The following ZNF83 variants were observed in gnomAD, a reference collection of about 807,000 sequenced individuals.
The protein encoded by ZNF83 is zinc finger protein 83.
For missense variants in ZNF83, 552 were observed against 629.9 expected (o/e 0.88, Z 1.32); for synonymous variants, 209 against 213.0 (o/e 0.98, Z 0.17).
chr19:52,684,753 G>C (rs1210405135), intron 1 of ZNF83, among the ~76,000 whole-genome samples: 1 of 152,106 alleles, frequency 6.6e-6, no homozygotes, highest in East Asian at 1.9e-4. Context: ...TAGGGTAAGA[G>C]CAGGGACAAT....
exon 3 of ZNF83, chr19:52,655,643 C>T (rs1472916866): frequency 4.3e-6 from 6 of 1,399,944 alleles, no homozygotes; most frequent in South Asian, 1.2e-5. Context: ...ATTTCCACTC[C>T]TCCAAAGAGA....
intron 1 of ZNF83, chr19:52,635,852 G>A (rs2061127231): frequency 6.6e-6 from 1 of 151,996 alleles, no homozygotes; most frequent in Admixed American, 6.6e-5. Context: ...AAAAGTAGCT[G>A]GGCTTGGTGG....
chr19:52,661,425 G>A (rs1199934790), intron 1 of ZNF83, among the ~76,000 whole-genome samples: 2 of 152,096 alleles, frequency 1.3e-5, no homozygotes, highest in Non-Finnish European at 2.9e-5. Flanking sequence ...CCCATGCAGA[G>A]CACAGCCCCC....
intron 2 of ZNF83, among the ~76,000 whole-genome samples, chr19:52,625,785 C>T (rs56381705): frequency 0.22 from 34,092 of 152,000 alleles, 4,059 homozygotes; most frequent in African/African-American, 0.29. Context: ...TGCTTGTAGA[C>T]ACTCAATGCT....
chr19:52,630,043 GC>G (rs1252429975), intron 2 of ZNF83, among the ~76,000 whole-genome samples: 2 of 152,194 alleles, frequency 1.3e-5, no homozygotes, highest in African/African-American at 4.8e-5. Flanking sequence ...CCAGGAGCTT[GC>G]TACAAGTGCC....
At chr19:52,649,580 G>A (rs1269702115) in intron 3 of ZNF83, among the ~76,000 whole-genome samples, 1 of 152,098 alleles carries the variant, frequency 6.6e-6, no homozygotes, top group African/African-American at 2.4e-5. Flanking sequence ...AGGAATTCAG[G>A]AGTCAGTGCC....
At chr19:52,640,182 A>C (rs2061281654), upstream of ZNF83, among the ~76,000 whole-genome samples, 1 of 152,188 alleles carries the variant, frequency 6.6e-6, no homozygotes, top group South Asian at 2.1e-4. Context: ...ATCCGACAGA[A>C]ACTGACGTCA....
At chr19:52,651,479 T>C (rs1181939183) in intron 3 of ZNF83, 2 of 152,118 alleles carry the variant, frequency 1.3e-5, no homozygotes, top group Non-Finnish European at 2.9e-5. Context: ...GGGAAAGCTG[T>C]AGAACAAGTA....
At chr19:52,613,990 A>C (rs751509243) in exon 3 of ZNF83, 2 of 1,613,580 alleles carry the variant, frequency 1.2e-6, no homozygotes, top group South Asian at 2.2e-5. Flanking sequence ...ATGTTGTGCA[A>C]GGTGTGAAAT....
intron 1 of ZNF83, among the ~76,000 whole-genome samples, chr19:52,683,858 T>C (rs911507188): frequency 3.0e-4 from 46 of 152,002 alleles, no homozygotes; most frequent in African/African-American, 1.1e-3. Flanking sequence ...CCAGAGTAGG[T>C]GCTGCTGTTG....
intron 2 of ZNF83, among the ~76,000 whole-genome samples, chr19:52,629,166 C>T (rs560941016): frequency 3.1e-4 from 47 of 152,212 alleles, no homozygotes; most frequent in Non-Finnish European, 2.2e-4. Flanking sequence ...AATACAAACT[C>T]GACAGTAGTT....
At chr19:52,624,745 T>G (rs1317290483) in intron 2 of ZNF83, among the ~76,000 whole-genome samples, 2 of 152,214 alleles carry the variant, frequency 1.3e-5, no homozygotes, top group Non-Finnish European at 2.9e-5. Flanking sequence ...CTGGCCATGA[T>G]GTCTCCGTGC....
chr19:52,634,831 G>A (rs2061091457), intron 2 of ZNF83, among the ~76,000 whole-genome samples: 1 of 152,100 alleles, frequency 6.6e-6, no homozygotes, highest in South Asian at 2.1e-4. Flanking sequence ...ATCCATGTCT[G>A]GGTGTGGGCC....
chr19:52,642,890 C>T (rs2061326525), upstream of ZNF83, among the ~76,000 whole-genome samples: 1 of 151,982 alleles, frequency 6.6e-6, no homozygotes, highest in African/African-American at 2.4e-5. Flanking sequence ...GGCACCATGG[C>T]TCATGCCTAT....
At chr19:52,688,642 C>T (rs1197581070) in intron 1 of ZNF83, among the ~76,000 whole-genome samples, 2 of 151,982 alleles carry the variant, frequency 1.3e-5, no homozygotes, top group Non-Finnish European at 2.9e-5. Context: ...TTCTCTTCCA[C>T]CTCTTCTGCT....
intron 2 of ZNF83, among the ~76,000 whole-genome samples, chr19:52,634,330 C>T (rs8106200): frequency 0.64 from 93,762 of 147,458 alleles, 29,270 homozygotes; most frequent in Middle Eastern, 0.7. Flanking sequence ...TGGCTCCATC[C>T]TCTAGGATAC....
In ZNF83 at chr19:52,665,521, A is replaced by C. The variant is rs183559923; in HGVS notation, c.-282-4678T>G. ...CTGCACTTGTTAGATATGAGTTCTA[A>C]ATTTCTCTTCAAAGAATCAATGTGT... On this transcript the variant is annotated intron_variant, in intron 1 of 5. Transcript: ENST00000594682. Among the ~76,000 whole-genome samples the C allele has an allele frequency of 5.3e-5, 8 of 152,300 alleles. No homozygotes were observed. In the East Asian group the frequency reaches 1.5e-3, roughly 29 times the overall value.
At chr19:52,680,880 G>A (rs2061905495) in intron 1 of ZNF83, among the ~76,000 whole-genome samples, 1 of 151,444 alleles carries the variant, frequency 6.6e-6, no homozygotes, top group South Asian at 2.1e-4. Flanking sequence ...CCAAAGTGCT[G>A]GGATTACAGG....
chr19:52,682,327 G>T (rs2061935621), intron 1 of ZNF83, among the ~76,000 whole-genome samples: 1 of 152,148 alleles, frequency 6.6e-6, no homozygotes, highest in Non-Finnish European at 1.5e-5. Flanking sequence ...CAAGGCTATA[G>T]TGAGCTATGA....
Sources: gnomAD v4.1 joint callset for allele counts (sites outside exome capture counted in the v4.1 genomes callset) on GRCh38, gnomAD v4.1.1 for gene constraint, MANE v1.5 for transcripts, NCBI Gene and HGNC (gene_info 2026-07-23, HGNC 2026-07-21) for gene names.